Variants in PTCD2 observed in about 807,000 individuals in gnomAD.
PTCD2 encodes the protein pentatricopeptide repeat-containing protein 2, mitochondrial.
In PTCD2, 31 loss-of-function variants were observed where a neutral mutation model predicts 42.6. The observed-to-expected ratio is 0.73, with a 90% CI of 0.55 to 0.98. The LOEUF is 0.98. PTCD2 is among the 50% of genes least tolerant of loss of function. The pLI, the probability that PTCD2 is intolerant of heterozygous loss-of-function variation, is 0.00. For missense variants in PTCD2, 476 were observed against 454.8 expected, an observed-to-expected ratio of 1.05 and a Z score of -0.42; for synonymous variants, 183 against 170.9, an observed-to-expected ratio of 1.07 and a Z score of -0.55.
chr5:72,341,913 C>T (rs941039903), intron 7 of PTCD2, among the ~76,000 whole-genome samples: 20 of 151,508 alleles, frequency 1.3e-4, no homozygotes, highest in South Asian at 2.1e-4. Flanking sequence ...GGCATGGTGG[C>T]GGGCTCCTGT....
At chr5:72,340,538 TC>T (rs994823009) in intron 7 of PTCD2, among the ~76,000 whole-genome samples, 35 of 152,334 alleles carry the variant, frequency 2.3e-4, no homozygotes, top group Admixed American at 2.2e-3. Flanking sequence ...ATAGCCATAC[TC>T]CCAACTTTTG....
intron 9 of PTCD2, 45 bp downstream of exon 9, chr5:72,352,799 A>T: frequency 1.0e-6 from 1 of 993,282 alleles, no homozygotes; most frequent in South Asian, 1.5e-5. Flanking sequence ...GTGAAAGGAC[A>T]CTCTTAAAAA....
At chr5:72,328,421 G>A (rs1404708637) in intron 3 of PTCD2, among the ~76,000 whole-genome samples, 1 of 152,242 alleles carries the variant, frequency 6.6e-6, no homozygotes, top group Admixed American at 6.5e-5. Context: ...TGCCAGGCAT[G>A]ATAGAGCTGC....
chr5:72,350,946 T>A (rs2112218788), intron 8 of PTCD2, among the ~76,000 whole-genome samples: 1 of 152,318 alleles, frequency 6.6e-6, no homozygotes, highest in Non-Finnish European at 1.5e-5. Context: ...TATGTGCACA[T>A]TGTTCAGTAT....
At chr5:72,339,286 T>C (rs1580165174) in intron 7 of PTCD2, among the ~76,000 whole-genome samples, 2 of 152,316 alleles carry the variant, frequency 1.3e-5, no homozygotes, top group South Asian at 2.1e-4. Flanking sequence ...GCTGAAACCC[T>C]GGAACACCAT....
rs1036210886 is a variant in PTCD2, at chr5:72,367,422, C to G, written c.*8995C>G. ...ACCACCCAAAGTACCTAGAGGAGAC[C>G]CTAGTGCAACTGTGCATTGTACAAC... On this transcript the variant is annotated 3_prime_UTR_variant, in exon 10 of 10. Coordinates refer to ENST00000380639, the MANE Select transcript of PTCD2 (RefSeq NM_024754.5). 2 of 152,060 alleles carry G rather than the reference C, an allele frequency of 1.3e-5. No individual in the cohort carries two copies. The highest frequency in any genetic ancestry group is 4.8e-5 in the African/African-American group (2 of 41,388). 9.4% of individuals were successfully genotyped at this position (152,060 alleles called of 1,614,324 possible). A position where few individuals can be genotyped will look rare whatever the true frequency, so the allele number is the denominator to read the frequency against.
Position 72,320,429 on chromosome 5 carries a change from T to G in PTCD2, c.47T>G (p.Val16Gly), listed in dbSNP as rs1185618703. ...MAAAFRPSNR[V>G]LLQALQILVY... Reference sequence around the variant, plus strand: ...GCTGCATTTCGGCCCTCGAATCGAGTTCTCCTGCAGGCGCTGCAGATTTTG... The same window carrying G: ...GCTGCATTTCGGCCCTCGAATCGAGGTCTCCTGCAGGCGCTGCAGATTTTG... The change falls in exon 1 of 10, where the codon GTT (valine) becomes GGT (glycine). Residue 16 changes from valine (V) to glycine (G), a missense_variant. Val to Gly is a moderately radical substitution (Grantham distance 109). Coordinates refer to ENST00000380639, the MANE Select transcript of PTCD2 (RefSeq NM_024754.5). The G allele has an allele frequency of 1.9e-6, 3 of 1,613,884 alleles. No individual in the cohort carries two copies. The highest frequency in any genetic ancestry group is 2.5e-6 in the Non-Finnish European group (3 of 1,180,000).
intron 8 of PTCD2, among the ~76,000 whole-genome samples, chr5:72,352,286 T>TA (rs1752660973): frequency 6.6e-6 from 1 of 152,208 alleles, no homozygotes; most frequent in South Asian, 2.1e-4. Flanking sequence ...TAGCTGGGAT[T>TA]ACAGGTTCAT....
intron 7 of PTCD2, among the ~76,000 whole-genome samples, chr5:72,340,131 A>G (rs1392968039): frequency 6.6e-6 from 1 of 151,962 alleles, no homozygotes; most frequent in East Asian, 1.9e-4. Flanking sequence ...CTACTCTCTT[A>G]TGCCATGTGG....
rs968959543 is a variant in PTCD2, at chr5:72,367,290, C to G, written c.*8863C>G. The G allele has an allele frequency of 6.6e-6, 1 of 152,170 alleles. No homozygotes were observed. The highest frequency in any genetic ancestry group is 2.1e-4 in the South Asian group (1 of 4,832). The allele number at this position is 152,170 out of a possible 1,614,324, so 9.4% of individuals were successfully genotyped here. A position where few individuals can be genotyped will look rare whatever the true frequency, so the allele number is the denominator to read the frequency against. ...CTATACTGGGGCTGGGATGGGGATT[C>G]TGATGAGAGATATCCCTGACAGAGA... is the stretch of plus-strand genomic sequence containing the variant. On this transcript the variant is annotated 3_prime_UTR_variant, in exon 10 of 10. Coordinates refer to ENST00000380639, the MANE Select transcript of PTCD2 (RefSeq NM_024754.5).
chr5:72,335,073 T>C lies in PTCD2; in HGVS notation c.524T>C (p.Leu175Ser), dbSNP rs1358739802. The C allele has an allele frequency of 6.3e-7, 1 of 1,581,568 alleles. No individual in the cohort carries two copies. Among genetic ancestry groups the C allele is most frequent in the Non-Finnish European group, 8.7e-7 (1 of 1,151,484 alleles). Residue 175 changes from leucine (L) to serine (S), a missense_variant, in exon 5 of 10, where the codon TTA becomes TCA. Transcript: ENST00000380639. Reference protein sequence around the residue: ...STSFNILMDMLFIKGKYKSAL... With the variant: ...STSFNILMDMSFIKGKYKSAL... ...TCATTCAATATTTTGATGGATATGT[T>C]ATTTATCAAAGGCAAATATAAAAGT...
chr5:72,326,497 C>T (rs1475498730), intron 2 of PTCD2, 115 bp from the exon 3 acceptor site: 3 of 1,083,508 alleles, frequency 2.8e-6, no homozygotes, highest in South Asian at 1.5e-5. Flanking sequence ...TTCTGAACCC[C>T]TCTCAGTGCC....
chr5:72,342,959 T>G lies in PTCD2; in HGVS notation c.754-3T>G. ...GAATATGATTTGTTTCTCTTCCTTC[T>G]AGAATGAGATGGCAAAAGCTGTGTC... On this transcript the variant is annotated splice_polypyrimidine_tract_variant and splice_region_variant and intron_variant, in intron 7 of 9. Coordinates refer to ENST00000380639, the MANE Select transcript of PTCD2 (RefSeq NM_024754.5). 1 of 1,575,414 alleles carries G rather than the reference T, an allele frequency of 6.3e-7. No individual in the cohort carries two copies. Among genetic ancestry groups the G allele is most frequent in the Non-Finnish European group, 8.7e-7 (1 of 1,153,286 alleles).
intron 6 of PTCD2, 88 bp downstream of exon 6, chr5:72,335,973 C>G (rs1285014096): frequency 1.4e-6 from 1 of 701,492 alleles, no homozygotes; most frequent in Non-Finnish European, 2.4e-6. Flanking sequence ...AATTCAGTTC[C>G]TCTGAAATCT....
rs181426710 is a variant in PTCD2 at position 72,366,443 on chromosome 5, C to T, written c.*8016C>T. On this transcript the variant is annotated 3_prime_UTR_variant, in exon 10 of 10. Transcript: ENST00000380639. ...CTGATGCTGGAGGTCATGTTTTTAA[C>T]CTTATCTCTGTATTGCCTGCCCAAG... The T allele has an allele frequency of 1.2e-4, 19 of 152,324 alleles. No individual in the cohort carries two copies. The highest frequency in any genetic ancestry group is 4.6e-4 in the African/African-American group (19 of 41,560). 9.4% of individuals were successfully genotyped at this position (152,324 alleles called of 1,614,324 possible). A position where few individuals can be genotyped will look rare whatever the true frequency, so the allele number is the denominator to read the frequency against.
chr5:72,343,048 C>A lies in PTCD2; in HGVS notation c.828+12C>A. ...GCATTAATTTAAATGTAAGTGATTT[C>A]TTTATGGTTTAAGGTAAGCCTTGAA... is the stretch of plus-strand genomic sequence containing the variant. On this transcript the variant is annotated intron_variant, in intron 8 of 9. Coordinates refer to ENST00000380639, the MANE Select transcript of PTCD2 (RefSeq NM_024754.5). 3 of 1,487,996 alleles carry A rather than the reference C, an allele frequency of 2.0e-6. No homozygotes were observed. Among genetic ancestry groups the A allele is most frequent in the Non-Finnish European group, 2.8e-6 (3 of 1,084,054 alleles). 92.2% of individuals were successfully genotyped at this position (1,487,996 alleles called of 1,614,324 possible).
intron 8 of PTCD2, among the ~76,000 whole-genome samples, chr5:72,346,916 A>G (rs1752386415): frequency 6.6e-6 from 1 of 152,210 alleles, no homozygotes; most frequent in Admixed American, 6.5e-5. Flanking sequence ...TGGATCATTG[A>G]TCACTTTTCC....
At chr5:72,324,259 G>A (rs2112121536) in intron 2 of PTCD2, among the ~76,000 whole-genome samples, 1 of 152,292 alleles carries the variant, frequency 6.6e-6, no homozygotes, top group Admixed American at 6.5e-5. Context: ...AATATAATCA[G>A]TGCCAATCTG....
chr5:72,366,414 A>C lies in PTCD2; in HGVS notation c.*7987A>C, dbSNP rs1753207127. 2 of 152,138 alleles carry C rather than the reference A, an allele frequency of 1.3e-5. No individual in the cohort carries two copies. Among genetic ancestry groups the C allele is most frequent in the South Asian group, 2.1e-4 (1 of 4,828 alleles). 9.4% of individuals were successfully genotyped at this position (152,138 alleles called of 1,614,324 possible). A position where few individuals can be genotyped will look rare whatever the true frequency, so the allele number is the denominator to read the frequency against. The stretch of plus-strand genomic sequence containing the variant: ...GGAGAGCACAGTATTTGAACCCAGG[A>C]GGTCTGATGCTGGAGGTCATGTTTT... On this transcript the variant is annotated 3_prime_UTR_variant, in exon 10 of 10. Transcript: ENST00000380639.
Sources: gnomAD v4.1 joint callset for allele counts (sites outside exome capture counted in the v4.1 genomes callset) on GRCh38, gnomAD v4.1.1 for gene constraint, MANE v1.5 for transcripts, NCBI Gene and HGNC (gene_info 2026-07-23, HGNC 2026-07-21) for gene names.